The following SORCS3 variants were observed in gnomAD, a reference collection of about 807,000 sequenced individuals.
SORCS3 encodes the protein sortilin related VPS10 domain containing receptor 3, also known as VPS10 domain-containing receptor SorCS3.
A neutral mutation model predicts 146.3 loss-of-function variants in SORCS3; 57 were observed. The observed-to-expected ratio is 0.39, with a 90% CI of 0.31 to 0.49. SORCS3 has a LOEUF of 0.49. Among genes scored for constraint, SORCS3 ranks in the 20% least tolerant of loss-of-function variants. The probability of loss-of-function intolerance (pLI) is 0.92; values close to 1 mark genes in which losing one functional copy is unlikely to be tolerated. For missense variants in SORCS3, 1,341 were observed against 1,575.5 expected, an observed-to-expected ratio of 0.85 and a Z score of 2.52; for synonymous variants, 653 against 618.5, an observed-to-expected ratio of 1.06 and a Z score of -0.83.
intron 14 of SORCS3, among the ~76,000 whole-genome samples, 162 bp downstream of exon 14, chr10:105,178,335 A>G (rs1346714919): frequency 2.0e-5 from 3 of 152,190 alleles, no homozygotes; most frequent in African/African-American, 7.2e-5. Context: ...TTATACCTAC[A>G]AACTCAAAAA....
At chr10:105,189,317 C>T (rs539086308) in intron 14 of SORCS3, among the ~76,000 whole-genome samples, 4 of 152,206 alleles carry the variant, frequency 2.6e-5, no homozygotes, top group Admixed American at 2.0e-4. Flanking sequence ...CATCTTTGTC[C>T]CTGTCATTCT....
At chr10:104,795,486 A>G (rs1427665887) in intron 1 of SORCS3, among the ~76,000 whole-genome samples, 1 of 152,252 alleles carries the variant, frequency 6.6e-6, no homozygotes, top group Non-Finnish European at 1.5e-5. Flanking sequence ...ATGTAAAATG[A>G]ATTTAGGTCA....
At chr10:105,233,457 C>A (rs535788987) in intron 20 of SORCS3, among the ~76,000 whole-genome samples, 1 of 151,820 alleles carries the variant, frequency 6.6e-6, no homozygotes, top group Non-Finnish European at 1.5e-5. Context: ...TGAAGAACAT[C>A]CAGGTTTGTT....
chr10:104,940,236 ATATTT>A (rs2019303376), intron 3 of SORCS3, among the ~76,000 whole-genome samples: 3 of 23,616 alleles, frequency 1.3e-4, no homozygotes, highest in South Asian at 3.0e-3. Context: ...ATATATATAT[ATATTT>A]TTTTTTTTTT....
chr10:104,670,663 G>A (rs146987765), intron 1 of SORCS3, among the ~76,000 whole-genome samples: 2 of 152,170 alleles, frequency 1.3e-5, no homozygotes, highest in African/African-American at 2.4e-5. Context: ...AGCTATTCAG[G>A]CTCCCTTGAG....
intron 3 of SORCS3, among the ~76,000 whole-genome samples, chr10:104,936,782 T>G (rs2019264751): frequency 6.6e-6 from 1 of 152,104 alleles, no homozygotes; most frequent in Non-Finnish European, 1.5e-5. Context: ...CAGCAAACAG[T>G]TTTTGAAAAC....
rs1198712523 is a variant in SORCS3, at chr10:105,256,890, G to T, written c.3409G>T (p.Gly1137Cys). 12 of 1,614,026 alleles carry T rather than the reference G, an allele frequency of 7.4e-6. No homozygotes were observed. The highest frequency in any genetic ancestry group is 2.7e-5 in the African/African-American group (2 of 74,920). Residue 1137 changes from glycine (G) to cysteine (C), a missense_variant, in exon 25 of 27, where the codon GGC (glycine) becomes TGC (cysteine). Coordinates refer to ENST00000369701, the MANE Select transcript of SORCS3 (RefSeq NM_014978.3). ...TATGCTATTATCAGTGGTATTTGTT[G>T]GCCTGGCTGTGTTTTTGATCTACAA... ...MLMLLSVVFV[G>C]LAVFLIYKFK...
intron 1 of SORCS3, among the ~76,000 whole-genome samples, chr10:104,749,319 C>T (rs573731915): frequency 6.6e-6 from 1 of 150,854 alleles, no homozygotes; most frequent in South Asian, 2.1e-4. Flanking sequence ...AAGTGCAAGC[C>T]CAGAACCAGA....
intron 5 of SORCS3, among the ~76,000 whole-genome samples, chr10:105,064,668 G>C (rs565271544): frequency 6.6e-6 from 1 of 152,160 alleles, no homozygotes; most frequent in African/African-American, 2.4e-5. Flanking sequence ...AAGGGTGGGA[G>C]AAGAAGGGTA....
intron 20 of SORCS3, among the ~76,000 whole-genome samples, chr10:105,242,529 T>TATTTATATACATTTATATATTTATATAC (rs2056835172): frequency 3.9e-5 from 4 of 103,498 alleles, no homozygotes; most frequent in Non-Finnish European, 5.0e-5. Context: ...CATTTATATA[T>TATTTATATACATTTATATATTTATATAC]ATTTATATAT....
chr10:104,690,479 C>T (rs554673447), intron 1 of SORCS3, among the ~76,000 whole-genome samples: 1 of 152,280 alleles, frequency 6.6e-6, no homozygotes, highest in South Asian at 2.1e-4. Flanking sequence ...ATGCTTTGCC[C>T]AAAGTCACAG....
intron 4 of SORCS3, among the ~76,000 whole-genome samples, chr10:105,015,100 A>T (rs1398721960): frequency 6.6e-6 from 1 of 152,208 alleles, no homozygotes; most frequent in East Asian, 1.9e-4. Flanking sequence ...TACCCACAAG[A>T]CTTGCAAAAT....
intron 9 of SORCS3, among the ~76,000 whole-genome samples, chr10:105,152,145 G>A (rs811547): frequency 0.48 from 73,015 of 151,870 alleles, 18,088 homozygotes; most frequent in Non-Finnish European, 0.53. Context: ...CTGAGCTGCC[G>A]GTGTGATACA....
chr10:104,973,915 C>T (rs531875946), intron 3 of SORCS3, among the ~76,000 whole-genome samples: 1 of 151,930 alleles, frequency 6.6e-6, no homozygotes, highest in South Asian at 2.1e-4. Context: ...TCGTTGGTTT[C>T]AAGGAACATC....
At chr10:105,024,449 G>A (rs1441764245) in intron 4 of SORCS3, among the ~76,000 whole-genome samples, 1 of 152,180 alleles carries the variant, frequency 6.6e-6, no homozygotes, top group Admixed American at 6.5e-5. Context: ...AGGCCCATCT[G>A]TCAGGGTTAT....
At chr10:104,959,273 G>A (rs73349914) in intron 3 of SORCS3, among the ~76,000 whole-genome samples, 9,024 of 152,120 alleles carry the variant, frequency 0.059, 263 homozygotes, top group African/African-American at 0.074. Context: ...CATATAAATC[G>A]TAGGATTCAT....
At chr10:105,190,737 T>G (rs2056512163) in intron 14 of SORCS3, among the ~76,000 whole-genome samples, 1 of 152,164 alleles carries the variant, frequency 6.6e-6, no homozygotes. Context: ...TTGACTGAGA[T>G]CTGCTGATCT....
At chr10:105,203,022 G>T (rs1466841486) in intron 16 of SORCS3, among the ~76,000 whole-genome samples, 1 of 152,108 alleles carries the variant, frequency 6.6e-6, no homozygotes, top group Non-Finnish European at 1.5e-5. Context: ...GCCCCTGAAT[G>T]GCAGCCTCAC....
chr10:104,929,363 A>C (rs2019182569), intron 3 of SORCS3, among the ~76,000 whole-genome samples: 1 of 152,158 alleles, frequency 6.6e-6, no homozygotes, highest in African/African-American at 2.4e-5. Flanking sequence ...ACTCCATATC[A>C]ATGTAGCTGG....
Sources: gnomAD v4.1 joint callset for allele counts (sites outside exome capture counted in the v4.1 genomes callset) on GRCh38, gnomAD v4.1.1 for gene constraint, MANE v1.5 for transcripts, NCBI Gene and HGNC (gene_info 2026-07-23, HGNC 2026-07-21) for gene names.